The following AFAP1L2 variants were observed in gnomAD, a reference collection of about 807,000 sequenced individuals.
The protein encoded by AFAP1L2 is actin filament-associated protein 1-like 2.
AFAP1L2 carries 46 observed loss-of-function variants against 99.3 expected under a neutral mutation model. The ratio of observed to expected loss-of-function variants is 0.46; its 90% CI spans 0.37 to 0.59. The LOEUF is 0.59. AFAP1L2 is among the 20% of genes least tolerant of loss of function. The pLI, the probability that AFAP1L2 is intolerant of heterozygous loss-of-function variation, is 0.00. For synonymous variants in AFAP1L2, 397 were observed against 419.1 expected (o/e 0.95, Z 0.64); for missense variants, 959 against 1,034.9 (o/e 0.93, Z 1.01).
chr10:114,357,693 G>C (rs1407901517), intron 1 of AFAP1L2, among the ~76,000 whole-genome samples: 1 of 152,146 alleles, frequency 6.6e-6, no homozygotes, highest in African/African-American at 2.4e-5. Flanking sequence ...TGTATTCCTT[G>C]AAATAATAAA....
At position 114,323,161 on chromosome 10, in the gene AFAP1L2, TG is replaced by T; in HGVS notation, c.406+9del. On this transcript the variant is annotated intron_variant, in intron 5 of 18. Transcript: ENST00000304129. ...AGTCACCCTCCCAAGCCCCAGCCGC[TG>T]GGATGTACCATTGAGGGATGTGTCA... The T allele has an allele frequency of 6.3e-7, 1 of 1,585,588 alleles. No individual in the cohort carries two copies. The highest frequency in any genetic ancestry group is 8.6e-7 in the Non-Finnish European group (1 of 1,164,112).
chr10:114,402,675 A>T (rs939845024), intron 1 of AFAP1L2, among the ~76,000 whole-genome samples: 1 of 152,256 alleles, frequency 6.6e-6, no homozygotes, highest in African/African-American at 2.4e-5. Context: ...AGAGAGAAAG[A>T]TAACTAAGAA....
chr10:114,402,361 TG>T (rs2058307721), intron 1 of AFAP1L2, among the ~76,000 whole-genome samples: 1 of 152,224 alleles, frequency 6.6e-6, no homozygotes, highest in South Asian at 2.1e-4. Context: ...TTCTATATCC[TG>T]GGGCTAGGGG....
At chr10:114,388,810 T>C (rs2056816455) in intron 1 of AFAP1L2, among the ~76,000 whole-genome samples, 1 of 152,112 alleles carries the variant, frequency 6.6e-6, no homozygotes, top group African/African-American at 2.4e-5. Context: ...GAAATGAGGA[T>C]TTCTATTGTC....
At chr10:114,350,556 G>C (rs2050312040) in intron 1 of AFAP1L2, among the ~76,000 whole-genome samples, 1 of 152,154 alleles carries the variant, frequency 6.6e-6, no homozygotes. Context: ...CCTATTTAAA[G>C]GTTCTGGGCT....
At chr10:114,358,084 A>G (rs7100393) in intron 1 of AFAP1L2, among the ~76,000 whole-genome samples, 14,813 of 152,214 alleles carry the variant, frequency 0.097, 1,877 homozygotes, top group African/African-American at 0.29. Flanking sequence ...GTTGAATTAG[A>G]AAAACCTAGG....
chr10:114,362,115 A>G (rs969825321), intron 1 of AFAP1L2, among the ~76,000 whole-genome samples: 1 of 152,216 alleles, frequency 6.6e-6, no homozygotes, highest in Non-Finnish European at 1.5e-5. Context: ...CTTGGTTTCC[A>G]TGCCCATAGA....
At chr10:114,404,659 C>T, upstream of AFAP1L2, 1 of 656,536 alleles carries the variant, frequency 1.5e-6, no homozygotes, top group Non-Finnish European at 2.1e-6. Flanking sequence ...GCGCCCCTGT[C>T]CCAGCGCCGG....
At position 114,395,958 on chromosome 10, in the gene AFAP1L2, A is replaced by G. The variant is rs540671314; in HGVS notation, c.16+8482T>C. ...AACACTGCCTGCCTCTCTAACATCAATGCTTTCCCCCAACAAAACTAAGAC... is the reference window on the plus strand; with the variant it reads ...AACACTGCCTGCCTCTCTAACATCAGTGCTTTCCCCCAACAAAACTAAGAC... On this transcript the variant is annotated intron_variant, in intron 1 of 18. Coordinates refer to ENST00000304129, the MANE Select transcript of AFAP1L2 (RefSeq NM_001001936.3). 6.6e-5 allele frequency among the ~76,000 whole-genome samples: 10 copies of G among 152,254 alleles called. No homozygotes were observed. In the South Asian group the frequency reaches 2.1e-3, roughly 32 times the overall value.
At chr10:114,402,091 C>T (rs151130164) in intron 1 of AFAP1L2, among the ~76,000 whole-genome samples, 1 of 152,282 alleles carries the variant, frequency 6.6e-6, no homozygotes, top group African/African-American at 2.4e-5. Flanking sequence ...TACTTAGGCT[C>T]CAGGAGCCCA....
rs552933862 is a variant in AFAP1L2, at chr10:114,341,242, TC to T, written c.17-512del. ...GTAAAGTTCCTTCCAGTTCTGAAGC[TC>T]TATGGTTGTAAGCCTCGCCTTGGCT... On this transcript the variant is annotated intron_variant, in intron 1 of 18. Transcript: ENST00000304129. Among the ~76,000 whole-genome samples, 1,016 of 152,312 alleles carry T rather than the reference TC, an allele frequency of 6.7e-3. 12 individuals are homozygous for T. The highest frequency in any genetic ancestry group is 0.024 in the African/African-American group (981 of 41,568).
chr10:114,397,241 G>A (rs1243204090), intron 1 of AFAP1L2, among the ~76,000 whole-genome samples: 2 of 152,014 alleles, frequency 1.3e-5, no homozygotes, highest in East Asian at 1.9e-4. Flanking sequence ...TTTCCCTCAC[G>A]CCCTTTGTGG....
Position 114,332,405 on chromosome 10 carries a change from G to A in AFAP1L2, c.221-508C>T, listed in dbSNP as rs866857889. On this transcript the variant is annotated intron_variant, in intron 3 of 18. Coordinates refer to ENST00000304129, the MANE Select transcript of AFAP1L2 (RefSeq NM_001001936.3). ...AACCCTCGGTGCACTTGGAAGGAAA[G>A]GTGCCGAAGACACTTCTGAGCCTGT... Among the ~76,000 whole-genome samples, 89 of 152,350 alleles carry A rather than the reference G, an allele frequency of 5.8e-4. No homozygotes were observed. The Middle Eastern group carries it at 0.01, about 17-fold the overall frequency.
rs2053638763 is a variant in AFAP1L2, at chr10:114,368,748, G to A, written c.17-28017C>T. On this transcript the variant is annotated intron_variant, in intron 1 of 18. Coordinates refer to ENST00000304129, the MANE Select transcript of AFAP1L2 (RefSeq NM_001001936.3). ...GTTTACTTGAAATTTTCCTAAACAT[G>A]GATCTTAAGTGTCCTTACAACACAC... Among the ~76,000 whole-genome samples the A allele has an allele frequency of 2.1e-5, 3 of 143,090 alleles. No homozygotes were observed. In the South Asian group the frequency reaches 6.8e-4, roughly 32 times the overall value. The allele number at this position is 143,090 out of a possible 152,430, so 93.9% of individuals were successfully genotyped here. A position where few individuals can be genotyped will look rare whatever the true frequency, so the allele number is the denominator to read the frequency against.
At chr10:114,305,877 C>T (rs554809501) in intron 10 of AFAP1L2, among the ~76,000 whole-genome samples, 5 of 54,420 alleles carry the variant, frequency 9.2e-5, no homozygotes, top group South Asian at 7.3e-4. Flanking sequence ...CAGGAGGGGG[C>T]GCAGGGGCAG....
chr10:114,285,890 A>G, the AFAP1L2 span: 5 of 1,517,936 alleles, frequency 3.3e-6, no homozygotes, highest in East Asian at 2.3e-5. Flanking sequence ...GACAGCTCGC[A>G]TGCCGCATGA....
intron 1 of AFAP1L2, among the ~76,000 whole-genome samples, chr10:114,400,259 C>A (rs935067526): frequency 2.6e-5 from 4 of 152,188 alleles, no homozygotes; most frequent in African/African-American, 9.7e-5. Context: ...GTGCTGGAAG[C>A]AGCCCAGCTC....
At chr10:114,311,761 T>C (rs555077009) in intron 7 of AFAP1L2, among the ~76,000 whole-genome samples, 28 of 152,332 alleles carry the variant, frequency 1.8e-4, no homozygotes, top group Non-Finnish European at 3.8e-4. Context: ...CCCTGCCTTG[T>C]GCCTTCCTTT....
chr10:114,313,413 A>G (rs1194893855), intron 7 of AFAP1L2, among the ~76,000 whole-genome samples: 2 of 151,818 alleles, frequency 1.3e-5, no homozygotes, highest in Non-Finnish European at 2.9e-5. Context: ...CTGAGAACCA[A>G]TGCTGCCACC....
Sources: gnomAD v4.1 joint callset for allele counts (sites outside exome capture counted in the v4.1 genomes callset) on GRCh38, gnomAD v4.1.1 for gene constraint, MANE v1.5 for transcripts, NCBI Gene and HGNC (gene_info 2026-07-23, HGNC 2026-07-21) for gene names.